Variants in CLMP observed in about 807,000 individuals in gnomAD.
CLMP encodes CXADR like cell adhesion molecule.
A neutral mutation model predicts 45.2 loss-of-function variants in CLMP; 27 were observed. The observed-to-expected ratio is 0.60, with a 90% CI of 0.44 to 0.82. The LOEUF (loss-of-function observed/expected upper bound fraction) is 0.82, where lower values mean the gene tolerates loss of function less well. Ranked by LOEUF, CLMP falls within the 40% of genes least tolerant of loss-of-function variation. The probability of loss-of-function intolerance (pLI) is 0.00; values close to 1 mark genes in which losing one functional copy is unlikely to be tolerated. For missense variants in CLMP, 403 were observed against 448.4 expected, an observed-to-expected ratio of 0.90 and a Z score of 0.91; for synonymous variants, 167 against 171.4, an observed-to-expected ratio of 0.97 and a Z score of 0.20.
chr11:123,155,946 C>G (rs2135529563), intron 1 of CLMP, among the ~76,000 whole-genome samples: 1 of 152,288 alleles, frequency 6.6e-6, no homozygotes, highest in East Asian at 1.9e-4. Context: ...CTGCCAACAA[C>G]CAAAACCTGT....
chr11:123,183,694 A>ACAAATCT (rs1353430257), intron 1 of CLMP, among the ~76,000 whole-genome samples: 1 of 152,144 alleles, frequency 6.6e-6, no homozygotes, highest in African/African-American at 2.4e-5. Context: ...TATGCGTGAA[A>ACAAATCT]CAAATCTCAA....
intron 1 of CLMP, among the ~76,000 whole-genome samples, chr11:123,135,129 A>G (rs1335055851): frequency 6.6e-6 from 1 of 151,748 alleles, no homozygotes. Flanking sequence ...ACATGGTGGC[A>G]GGCGCCTGTA....
At chr11:123,076,387 T>C (rs1415520679) in intron 5 of CLMP, among the ~76,000 whole-genome samples, 1 of 152,332 alleles carries the variant, frequency 6.6e-6, no homozygotes, top group Non-Finnish European at 1.5e-5. Flanking sequence ...AGTTTTCTGC[T>C]TTTGTTGAGT....
intron 1 of CLMP, among the ~76,000 whole-genome samples, chr11:123,111,734 A>T (rs1045009628): frequency 6.6e-6 from 1 of 152,124 alleles, no homozygotes; most frequent in African/African-American, 2.4e-5. Context: ...TAAATTTCCA[A>T]CCACGTGCAT....
At chr11:123,074,867 C>G in intron 5 of CLMP, 24 bp from the exon 6 acceptor site, 6 of 1,606,916 alleles carry the variant, frequency 3.7e-6, no homozygotes, top group Non-Finnish European at 5.1e-6. Context: ...AGCAAAAGCA[C>G]AAGTAAAACC....
chr11:123,073,353 G>T lies in CLMP; in HGVS notation c.*121C>A. Reference sequence around the variant, plus strand: ...CTCATCTGAATCTGTTCCGTGCAATGCTCACTGCTACTTAGATGACCTCTC... The same window carrying T: ...CTCATCTGAATCTGTTCCGTGCAATTCTCACTGCTACTTAGATGACCTCTC... On this transcript the variant is annotated 3_prime_UTR_variant, in exon 7 of 7. Coordinates refer to ENST00000448775, the MANE Select transcript of CLMP (RefSeq NM_024769.5). 1 of 1,088,632 alleles carries T rather than the reference G, an allele frequency of 9.2e-7. No homozygotes were observed. The highest frequency in any genetic ancestry group is 1.3e-6 in the Non-Finnish European group (1 of 749,006). The allele number at this position is 1,088,632 out of a possible 1,614,324, so 67.4% of individuals were successfully genotyped here. A position where few individuals can be genotyped will look rare whatever the true frequency, so the allele number is the denominator to read the frequency against.
intron 1 of CLMP, among the ~76,000 whole-genome samples, chr11:123,189,763 A>G (rs1448561396): frequency 6.6e-6 from 1 of 152,078 alleles, no homozygotes; most frequent in Non-Finnish European, 1.5e-5. Context: ...ATCCCAGCCC[A>G]TTGGGAGGCC....
intron 1 of CLMP, among the ~76,000 whole-genome samples, chr11:123,180,318 C>T (rs569652843): frequency 6.6e-6 from 1 of 152,302 alleles, no homozygotes; most frequent in South Asian, 2.1e-4. Context: ...AATCCTAACC[C>T]TCAAGGTGCT....
chr11:123,074,666 A>T, intron 6 of CLMP, 36 bp downstream of exon 6: 1 of 1,601,678 alleles, frequency 6.2e-7, no homozygotes, highest in Non-Finnish European at 8.5e-7. Context: ...GCCCTAAAAC[A>T]GAAGCCCCGT....
In CLMP at chr11:123,084,519, T is replaced by G. The variant is rs1486898203; in HGVS notation, c.381A>C (p.Lys127Asn). The change falls in exon 3 of 7, where the codon AAA (lysine) becomes AAC (asparagine). Residue 127 changes from lysine (K) to asparagine (N), a missense_variant. Coordinates refer to ENST00000448775, the MANE Select transcript of CLMP (RefSeq NM_024769.5). ...GRYVWSHVILKVLVRPSKPKC... is the reference protein window; with the variant it reads ...GRYVWSHVILNVLVRPSKPKC... ...TTTGGCATCCTATCTTACCTAAGAC[T>G]TTTAAGATGACATGGCTCCACACGT... 1 of 1,613,870 alleles carries G rather than the reference T, an allele frequency of 6.2e-7. No homozygotes were observed. Among genetic ancestry groups the G allele is most frequent in the Non-Finnish European group, 8.5e-7 (1 of 1,179,718 alleles).
At chr11:123,090,856 CACCAG>C (rs1447256365) in intron 2 of CLMP, among the ~76,000 whole-genome samples, 1 of 152,074 alleles carries the variant, frequency 6.6e-6, no homozygotes, top group African/African-American at 2.4e-5. Context: ...AAGATAATTC[CACCAG>C]ACCAACTCAA....
At chr11:123,158,715 G>T (rs1861446888) in intron 1 of CLMP, among the ~76,000 whole-genome samples, 1 of 152,204 alleles carries the variant, frequency 6.6e-6, no homozygotes, top group African/African-American at 2.4e-5. Flanking sequence ...CAGGGGCTTT[G>T]GAACTAGACA....
At chr11:123,104,972 T>A (rs1177556857) in intron 1 of CLMP, among the ~76,000 whole-genome samples, 1 of 152,168 alleles carries the variant, frequency 6.6e-6, no homozygotes, top group Non-Finnish European at 1.5e-5. Flanking sequence ...CATTTACCTA[T>A]GGGAAGAGGT....
At position 123,122,636 on chromosome 11, in the gene CLMP, C is replaced by T. The variant is rs181448201; in HGVS notation, c.29-24684G>A. On this transcript the variant is annotated intron_variant, in intron 1 of 6. Transcript: ENST00000448775. ...TTTCCCAATAGGCTCTCTCTTATCC[C>T]GAGAACCTTATCTGGGAAAAAGGTA... is the stretch of plus-strand genomic sequence containing the variant. 2.9e-3 allele frequency among the ~76,000 whole-genome samples: 446 copies of T among 152,210 alleles called. 3 individuals carry two copies. The highest frequency in any genetic ancestry group is 0.01 in the African/African-American group (431 of 41,520).
intron 1 of CLMP, among the ~76,000 whole-genome samples, chr11:123,113,994 C>T (rs868455395): frequency 2.0e-5 from 3 of 152,062 alleles, no homozygotes; most frequent in Admixed American, 6.6e-5. Context: ...CTTTTGATTC[C>T]GAGACTCTCA....
intron 1 of CLMP, among the ~76,000 whole-genome samples, chr11:123,129,471 A>C (rs1860953328): frequency 7.0e-6 from 1 of 141,850 alleles, no homozygotes; most frequent in Non-Finnish European, 1.5e-5. Flanking sequence ...ATCATATGAT[A>C]TATTATAGAT....
chr11:123,094,946 A>C (rs573243564), intron 2 of CLMP, among the ~76,000 whole-genome samples: 64 of 152,264 alleles, frequency 4.2e-4, no homozygotes, highest in African/African-American at 1.5e-3. Flanking sequence ...CTTTGTAAAA[A>C]ATTATTAAAT....
intron 6 of CLMP, among the ~76,000 whole-genome samples, 191 bp from the exon 7 acceptor site, chr11:123,073,965 G>A (rs1285223026): frequency 6.6e-6 from 1 of 152,058 alleles, no homozygotes; most frequent in Non-Finnish European, 1.5e-5. Flanking sequence ...TATTTTGTTA[G>A]CCCACAGGTC....
At chr11:123,118,073 A>G (rs565153267) in intron 1 of CLMP, among the ~76,000 whole-genome samples, 118 of 96,196 alleles carry the variant, frequency 1.2e-3, no homozygotes, top group African/African-American at 4.2e-3. Flanking sequence ...CATTTAATAT[A>G]CACTTTTTAA....
Sources: gnomAD v4.1 joint callset for allele counts (sites outside exome capture counted in the v4.1 genomes callset) on GRCh38, gnomAD v4.1.1 for gene constraint, MANE v1.5 for transcripts, NCBI Gene and HGNC (gene_info 2026-07-23, HGNC 2026-07-21) for gene names.